TRIO: variants seen among roughly 807,000 people sequenced by gnomAD.
TRIO encodes the protein trio Rho guanine nucleotide exchange factor.
In TRIO, 58 loss-of-function variants were observed where a neutral mutation model predicts 351.9. The ratio of observed to expected loss-of-function variants is 0.16; its 90% CI spans 0.13 to 0.21. TRIO has a LOEUF of 0.21. Ranked by LOEUF, TRIO falls within the 10% of genes least tolerant of loss-of-function variation. TRIO has a pLI of 1.00. For synonymous variants in TRIO, 1,758 were observed against 1,595.7 expected (o/e 1.10, Z -2.42); for missense variants, 3,201 against 4,027.8 (o/e 0.79, Z 5.56).
At chr5:14,157,933 G>A (rs1035859434) in intron 1 of TRIO, among the ~76,000 whole-genome samples, 1 of 151,968 alleles carries the variant, frequency 6.6e-6, no homozygotes, top group African/African-American at 2.4e-5. Context: ...ATATTACGTC[G>A]CTGACTTGGG....
intron 27 of TRIO, among the ~76,000 whole-genome samples, chr5:14,392,782 C>T (rs1747208664): frequency 6.6e-6 from 1 of 152,352 alleles, no homozygotes; most frequent in South Asian, 2.1e-4. Context: ...CACAGCGGCT[C>T]ACGCCTGTAA....
intron 11 of TRIO, among the ~76,000 whole-genome samples, chr5:14,352,822 G>A (rs1393370220): frequency 6.6e-6 from 1 of 152,120 alleles, no homozygotes; most frequent in Non-Finnish European, 1.5e-5. Flanking sequence ...CAGCCAGCGG[G>A]AGGATGAGCA....
chr5:14,487,088 A>G (rs1376535136), intron 47 of TRIO, among the ~76,000 whole-genome samples: 1 of 152,104 alleles, frequency 6.6e-6, no homozygotes, highest in Non-Finnish European at 1.5e-5. Context: ...GAGGTGGTCT[A>G]TGAAACCGCC....
chr5:14,281,100 A>G (rs1735953788), intron 3 of TRIO, among the ~76,000 whole-genome samples: 1 of 152,208 alleles, frequency 6.6e-6, no homozygotes, highest in Non-Finnish European at 1.5e-5. Context: ...CTCGAGTTTA[A>G]TTTGTAGATC....
chr5:14,200,414 C>T (rs1225424219), intron 1 of TRIO, among the ~76,000 whole-genome samples: 1 of 152,190 alleles, frequency 6.6e-6, no homozygotes, highest in East Asian at 1.9e-4. Context: ...CCTAATTGTG[C>T]TGATTACATG....
chr5:14,416,591 T>C (rs1266316148), intron 33 of TRIO, among the ~76,000 whole-genome samples: 1 of 152,238 alleles, frequency 6.6e-6, no homozygotes, highest in Non-Finnish European at 1.5e-5. Flanking sequence ...ATATGATTCT[T>C]TGGCAGAACA....
intron 1 of TRIO, among the ~76,000 whole-genome samples, chr5:14,176,019 A>T (rs547084597): frequency 2.0e-5 from 3 of 152,340 alleles, no homozygotes; most frequent in African/African-American, 7.2e-5. Flanking sequence ...AATTCCTTAG[A>T]AAAGCCAGGC....
intron 1 of TRIO, among the ~76,000 whole-genome samples, chr5:14,155,137 C>T (rs1383540982): frequency 1.3e-5 from 2 of 152,186 alleles, no homozygotes; most frequent in Non-Finnish European, 2.9e-5. Flanking sequence ...GGTAAACTTA[C>T]TTTGAGAAGG....
intron 6 of TRIO, among the ~76,000 whole-genome samples, chr5:14,295,001 C>A (rs1433229541): frequency 3.3e-5 from 5 of 152,034 alleles, no homozygotes; most frequent in Non-Finnish European, 7.4e-5. Context: ...ACTTGTAATA[C>A]AATGCATGCG....
At chr5:14,147,582 G>A (rs1030329052) in intron 1 of TRIO, among the ~76,000 whole-genome samples, 79 of 152,186 alleles carry the variant, frequency 5.2e-4, no homozygotes, top group African/African-American at 1.8e-3. Context: ...ACGTCCTGTC[G>A]TGCTTGGTTT....
chr5:14,446,726 A>G (rs1308250898), intron 34 of TRIO, among the ~76,000 whole-genome samples: 1 of 152,138 alleles, frequency 6.6e-6, no homozygotes, highest in Admixed American at 6.5e-5. Flanking sequence ...ACTCAAATAT[A>G]ATTGTAAAAG....
At chr5:14,225,792 A>ACCCCCCCC (rs56044349) in intron 1 of TRIO, among the ~76,000 whole-genome samples, 8 of 78,110 alleles carry the variant, frequency 1.0e-4, no homozygotes, top group Non-Finnish European at 1.5e-4. Flanking sequence ...CACTGCTCCC[A>ACCCCCCCC]CCCCCCCCCC....
intron 13 of TRIO, 71 bp downstream of exon 13, chr5:14,359,602 CTT>C: frequency 4.5e-6 from 7 of 1,550,976 alleles, no homozygotes; most frequent in Non-Finnish European, 6.1e-6. Context: ...CCGGCGCCCT[CTT>C]GTCTCTGCCC....
rs544217674 is a variant in TRIO, at chr5:14,367,535, A to T, written c.2874+556A>T. 2.0e-5 allele frequency among the ~76,000 whole-genome samples: 3 copies of T among 152,208 alleles called. No individual in the cohort carries two copies. In the South Asian group the frequency reaches 6.2e-4, roughly 32 times the overall value. On this transcript the variant is annotated intron_variant, in intron 16 of 56. Coordinates refer to ENST00000344204, the MANE Select transcript of TRIO (RefSeq NM_007118.4). ...TTGACAAGGGTCACTGCCATGCCAGAACTGTCGCAAAATGACTCAGGCCAA... is the reference window on the plus strand; with the variant it reads ...TTGACAAGGGTCACTGCCATGCCAGTACTGTCGCAAAATGACTCAGGCCAA...
intron 9 of TRIO, among the ~76,000 whole-genome samples, chr5:14,329,216 G>C (rs1046045794): frequency 6.6e-5 from 10 of 152,174 alleles, no homozygotes; most frequent in African/African-American, 2.4e-4. Context: ...TTCCCAGATT[G>C]CCCCCTAGAC....
At chr5:14,356,925 A>G (rs1053250733) in intron 11 of TRIO, among the ~76,000 whole-genome samples, 2 of 152,200 alleles carry the variant, frequency 1.3e-5, no homozygotes, top group African/African-American at 2.4e-5. Context: ...AGAAAATGCA[A>G]GGTAATCTCC....
intron 4 of TRIO, among the ~76,000 whole-genome samples, chr5:14,290,017 C>T (rs1370434177): frequency 6.6e-6 from 1 of 152,190 alleles, no homozygotes; most frequent in Non-Finnish European, 1.5e-5. Flanking sequence ...ATCCTTAGCT[C>T]TGTCAAATGA....
At position 14,231,876 on chromosome 5, in the gene TRIO, C is replaced by G. The variant is rs574686284; in HGVS notation, c.158-38949C>G. Reference sequence around the variant, plus strand: ...TTTTTTTTTTGATTGTTTTCTCATACTATCATAGGCCATTTGAGGGGAATA... The same window carrying G: ...TTTTTTTTTTGATTGTTTTCTCATAGTATCATAGGCCATTTGAGGGGAATA... On this transcript the variant is annotated intron_variant, in intron 1 of 56. Coordinates refer to ENST00000344204, the MANE Select transcript of TRIO (RefSeq NM_007118.4). Among the ~76,000 whole-genome samples the G allele has an allele frequency of 2.7e-5, 4 of 147,430 alleles. No homozygotes were observed. The South Asian group carries it at 6.4e-4, about 24-fold the overall frequency.
chr5:14,263,134 G>T (rs1042259822), intron 1 of TRIO, among the ~76,000 whole-genome samples: 11 of 152,022 alleles, frequency 7.2e-5, no homozygotes, highest in Non-Finnish European at 1.6e-4. Flanking sequence ...TATTCTCATC[G>T]CTCTGGCCCT....
Sources: gnomAD v4.1 joint callset for allele counts (sites outside exome capture counted in the v4.1 genomes callset) on GRCh38, gnomAD v4.1.1 for gene constraint, MANE v1.5 for transcripts, NCBI Gene and HGNC (gene_info 2026-07-23, HGNC 2026-07-21) for gene names.